CRISP2: variants seen among roughly 807,000 people sequenced by gnomAD.
CRISP2 encodes the protein cysteine-rich secretory protein 2.
CRISP2 carries 29 observed loss-of-function variants against 31.7 expected under a neutral mutation model. The observed-to-expected ratio is 0.92, with a 90% CI of 0.68 to 1.25. CRISP2 has a LOEUF of 1.25. CRISP2 is among the 50% of genes most tolerant of loss of function. The pLI is 0.00. For synonymous variants in CRISP2, 111 were observed against 101.4 expected (o/e 1.09, Z -0.57); for missense variants, 318 against 286.5 (o/e 1.11, Z -0.79).
intron 8 of CRISP2, among the ~76,000 whole-genome samples, chr6:49,697,200 T>A (rs1312475432): frequency 6.6e-6 from 1 of 152,188 alleles, no homozygotes; most frequent in East Asian, 1.9e-4. Flanking sequence ...GGATTTATTG[T>A]GGATAACTCT....
the CRISP2 span, among the ~76,000 whole-genome samples, chr6:49,681,540 CAT>C: frequency 2.0e-5 from 3 of 152,076 alleles, no homozygotes; most frequent in Non-Finnish European, 2.9e-5. Context: ...TGGGCAATAA[CAT>C]ATAGATTTAT....
intron 4 of CRISP2, among the ~76,000 whole-genome samples, chr6:49,704,755 G>A (rs1264264703): frequency 6.6e-6 from 1 of 152,198 alleles, no homozygotes; most frequent in African/African-American, 2.4e-5. Context: ...GGTAGCAGGG[G>A]AGTGAAGTGG....
chr6:49,702,427 G>C (rs1582094155), intron 4 of CRISP2, among the ~76,000 whole-genome samples: 1 of 151,248 alleles, frequency 6.6e-6, no homozygotes, highest in East Asian at 1.9e-4. Context: ...ATTCCCACCA[G>C]CAGTACAAAA....
intron 4 of CRISP2, among the ~76,000 whole-genome samples, chr6:49,701,610 GTA>G (rs3056357): frequency 0.68 from 38,662 of 56,662 alleles, 14,328 homozygotes; most frequent in East Asian, 0.82. Flanking sequence ...CACACACACG[GTA>G]TATATATATA....
At chr6:49,678,710 C>T in the CRISP2 span, among the ~76,000 whole-genome samples, 8 of 152,230 alleles carry the variant, frequency 5.3e-5, no homozygotes, top group East Asian at 1.9e-4. Flanking sequence ...TTTGCCCACA[C>T]GCTTCTGATC....
intron 9 of CRISP2, among the ~76,000 whole-genome samples, chr6:49,693,198 C>A (rs1374889099): frequency 1.3e-5 from 2 of 152,198 alleles, no homozygotes; most frequent in African/African-American, 4.8e-5. Context: ...ATAAATTGAC[C>A]TATTTTTCCC....
intron 3 of CRISP2, among the ~76,000 whole-genome samples, chr6:49,709,847 T>C (rs979803040): frequency 6.6e-6 from 1 of 152,218 alleles, no homozygotes. Context: ...CTTATTCAAG[T>C]TTACTCAATC....
At chr6:49,702,367 T>C (rs1024776135) in intron 4 of CRISP2, among the ~76,000 whole-genome samples, 2 of 151,290 alleles carry the variant, frequency 1.3e-5, no homozygotes, top group Non-Finnish European at 2.9e-5. Context: ...TTACATTTAG[T>C]TCTTTAAGGA....
intron 4 of CRISP2, 78 bp downstream of exon 4, chr6:49,709,053 C>T (rs1270280863): frequency 8.2e-7 from 1 of 1,220,476 alleles, no homozygotes; most frequent in Non-Finnish European, 1.2e-6. Context: ...CTCTCTTACC[C>T]CCCTTTACTT....
chr6:49,710,817 T>C (rs1187116987), intron 3 of CRISP2, among the ~76,000 whole-genome samples: 1 of 152,126 alleles, frequency 6.6e-6, no homozygotes, highest in East Asian at 1.9e-4. Flanking sequence ...TCAATACAAA[T>C]TTATTAAAGT....
At position 49,692,790 on chromosome 6, in the gene CRISP2, C is replaced by G; in HGVS notation, c.715G>C (p.Glu239Gln). 6.2e-7 allele frequency: 1 copy of G among 1,613,424 alleles called. No individual in the cohort carries two copies. Among genetic ancestry groups the G allele is most frequent in the Non-Finnish European group, 8.5e-7 (1 of 1,179,506 alleles). ...KEKCKATCLCENKIY is the reference protein window; with the variant it reads ...KEKCKATCLCQNKIY ...TAGGTAAATCAGTAAATTTTGTTCT[C>G]ACATAGGCAAGTAGCCTTGCACTTT... The change falls in exon 10 of 10, where the codon GAG becomes CAG. Residue 239 changes from glutamate to glutamine, a missense_variant. Physicochemically the swap from Glu to Gln is conservative, Grantham distance 29. Coordinates refer to ENST00000339139, the MANE Select transcript of CRISP2 (RefSeq NM_003296.4).
downstream of CRISP2, among the ~76,000 whole-genome samples, chr6:49,688,068 C>T (rs1277584884): frequency 6.6e-6 from 1 of 152,192 alleles, no homozygotes; most frequent in African/African-American, 2.4e-5. Context: ...TGGGCCATAG[C>T]TTGTTGCCAT....
the CRISP2 span, among the ~76,000 whole-genome samples, chr6:49,679,223 C>T: frequency 6.6e-6 from 1 of 152,066 alleles, no homozygotes; most frequent in Non-Finnish European, 1.5e-5. Context: ...TACTTATGCA[C>T]CAAGTATTGC....
In CRISP2 at chr6:49,700,783, T is replaced by A. The variant is rs758037544; in HGVS notation, c.68A>T (p.Asp23Val). Residue 23 changes from aspartate (D) to valine (V), a missense_variant and splice_region_variant, in exon 5 of 10, where the codon GAT becomes GTT. Physicochemically the swap from Asp to Val is radical, Grantham distance 152. Coordinates refer to ENST00000339139, the MANE Select transcript of CRISP2 (RefSeq NM_003296.4). ...LLPSLPAEGK[D>V]PAFTALLTTQ... ...GGTTAACAAAGCAGTAAAAGCGGGA[T>A]CCTAAAAGAAAATAAAATTGGAATT... 2 of 1,576,262 alleles carry A rather than the reference T, an allele frequency of 1.3e-6. No individual in the cohort carries two copies. The highest frequency in any genetic ancestry group is 3.4e-5 in the Admixed American group (2 of 59,312).
the CRISP2 span, among the ~76,000 whole-genome samples, chr6:49,685,674 T>C: frequency 6.6e-6 from 1 of 152,210 alleles, no homozygotes; most frequent in Non-Finnish European, 1.5e-5. Flanking sequence ...CTTTATTGAC[T>C]GGAGTCAAAC....
chr6:49,686,890 C>T, the CRISP2 span, among the ~76,000 whole-genome samples: 1 of 152,128 alleles, frequency 6.6e-6, no homozygotes, highest in Non-Finnish European at 1.5e-5. Context: ...ATGATGAGTT[C>T]ATGTCCTTTG....
chr6:49,682,639 CT>C, the CRISP2 span, among the ~76,000 whole-genome samples: 3 of 67,296 alleles, frequency 4.5e-5, no homozygotes, highest in East Asian at 2.8e-3. Context: ...TTCTTTCTTT[CT>C]TTCTTCTTTC....
intron 4 of CRISP2, among the ~76,000 whole-genome samples, chr6:49,702,078 AATATATATT>A (rs1424715071): frequency 2.4e-4 from 27 of 112,428 alleles, no homozygotes; most frequent in East Asian, 9.4e-4. Context: ...AATATAATGT[AATATATATT>A]ATATATATTA....
At chr6:49,688,345 A>C (rs780877550), downstream of CRISP2, among the ~76,000 whole-genome samples, 2 of 152,208 alleles carry the variant, frequency 1.3e-5, no homozygotes, top group Non-Finnish European at 2.9e-5. Context: ...CTTTAAGATA[A>C]GGATGTTTCT....
Sources: gnomAD v4.1 joint callset for allele counts (sites outside exome capture counted in the v4.1 genomes callset) on GRCh38, gnomAD v4.1.1 for gene constraint, MANE v1.5 for transcripts, NCBI Gene and HGNC (gene_info 2026-07-23, HGNC 2026-07-21) for gene names.